ITIH6: variants seen among roughly 807,000 people sequenced by gnomAD.
The protein encoded by ITIH6 is inter-alpha-trypsin inhibitor heavy chain family member 6.
Under a neutral mutation model 58.2 loss-of-function variants are expected in ITIH6, and 60 were observed. That is an observed-to-expected ratio of 1.03 (90% CI 0.84 to 1.28). The LOEUF is 1.28. Among genes scored for constraint, ITIH6 ranks in the 50% most tolerant of loss-of-function variants. ITIH6 has a pLI of 0.00. For missense variants in ITIH6, 1,290 were observed against 1,021.1 expected (o/e 1.26, Z -3.59); for synonymous variants, 493 against 417.4 (o/e 1.18, Z -2.21).
chrX:54,793,000 C>T (rs1250307844), intron 2 of ITIH6, among the ~76,000 whole-genome samples: 1 of 110,392 alleles, frequency 9.1e-6, no homozygotes, highest in Non-Finnish European at 1.9e-5. Flanking sequence ...GTCCTCTATT[C>T]TTTCTACATT....
chrX:54,754,339 A>C (rs933868031), intron 9 of ITIH6, among the ~76,000 whole-genome samples: 1 of 111,672 alleles, frequency 9.0e-6, no homozygotes, highest in African/African-American at 3.3e-5. Context: ...TGGTGTACAC[A>C]CTCTGTAAAA....
At position 54,788,582 on chromosome X, in the gene ITIH6, G is replaced by A; in HGVS notation, c.684C>T (p.Cys228=). The part of the protein sequence containing the change: ...RGETCVRITY[C]PTLQDQSSIS... ...TGGACGACTGGTCTTGCAATGTCGG[G>A]CAGTAGGTGATTCGGACACAGGTCT... Residue 228 remains cysteine (C), a synonymous_variant, in exon 5 of 13, where the codon TGC becomes TGT. Transcript: ENST00000218436. 1 of 1,209,433 alleles carries A rather than the reference G, an allele frequency of 8.3e-7. No homozygotes were observed. Among genetic ancestry groups the A allele is most frequent in the Non-Finnish European group, 1.1e-6 (1 of 893,752 alleles).
chrX:54,798,029 G>C, intron 1 of ITIH6, 80 bp downstream of exon 1: 1 of 664,530 alleles, frequency 1.5e-6, no homozygotes, highest in African/African-American at 2.2e-5. Context: ...GAAACACACT[G>C]AATAACCTTC....
At chrX:54,792,399 G>A (rs902381503) in intron 2 of ITIH6, among the ~76,000 whole-genome samples, 1 of 111,605 alleles carries the variant, frequency 9.0e-6, no homozygotes, top group African/African-American at 3.3e-5. Flanking sequence ...TATTATAATT[G>A]TTATGTATTT....
At chrX:54,788,218 G>C (rs1350772963) in intron 5 of ITIH6, among the ~76,000 whole-genome samples, 1 of 111,921 alleles carries the variant, frequency 8.9e-6, no homozygotes, top group South Asian at 3.8e-4. Context: ...GACTGTTTTC[G>C]AGTAGGCTAT....
chrX:54,794,660 G>A (rs755301376), intron 2 of ITIH6, among the ~76,000 whole-genome samples: 1 of 111,391 alleles, frequency 9.0e-6, no homozygotes, highest in South Asian at 3.8e-4. Context: ...GGTTCTTGAT[G>A]GCACAGCCTA....
At chrX:54,776,557 G>C (rs1209146331) in intron 5 of ITIH6, among the ~76,000 whole-genome samples, 2 of 110,054 alleles carry the variant, frequency 1.8e-5, no homozygotes, top group Non-Finnish European at 3.8e-5. Context: ...TTGAAGACTG[G>C]AGAGGGAAGA....
chrX:54,755,204 G>A, intron 8 of ITIH6, 95 bp from the exon 9 acceptor site: 1 of 704,002 alleles, frequency 1.4e-6, no homozygotes, highest in Non-Finnish European at 2.2e-6. Flanking sequence ...GGCTCTGCAG[G>A]TTGACCTGCC....
At position 54,758,909 on chromosome X, in the gene ITIH6, T is replaced by A. The variant is rs144749114; in HGVS notation, c.1165A>T (p.Ile389Phe). Residue 389 changes from isoleucine to phenylalanine, a missense_variant, in exon 8 of 13, where the codon ATC becomes TTC. By Grantham distance (21) the Ile-to-Phe change is conservative (BLOSUM62 0). Coordinates refer to ENST00000218436, the MANE Select transcript of ITIH6 (RefSeq NM_198510.3). ...TCCGTCAGGAAGATGATAAGAGGGA[T>A]CCTCCCCACACTGGGGCCCCTCCCA... ...EPGRGPSVGR[I>F]PLIIFLTDGE... 6.6e-6 allele frequency: 8 copies of A among 1,208,846 alleles called. No individual in the cohort carries two copies. Among genetic ancestry groups the A allele is most frequent in the Non-Finnish European group, 6.7e-6 (6 of 894,145 alleles).
At position 54,757,991 on chromosome X, in the gene ITIH6, G is replaced by A; in HGVS notation, c.2083C>T (p.His695Tyr). ...KELEPLGESP[H>Y]TLSMPTYPKA... ...GGGTATGTGGGCATTGACAGGGTATGAGGGCTCTCTCCCAATGGCTCCAGC... is the reference window on the plus strand; with the variant it reads ...GGGTATGTGGGCATTGACAGGGTATAAGGGCTCTCTCCCAATGGCTCCAGC... Residue 695 changes from histidine (H) to tyrosine (Y), a missense_variant, in exon 8 of 13, where the codon CAT (histidine) becomes TAT (tyrosine). Coordinates refer to ENST00000218436, the MANE Select transcript of ITIH6 (RefSeq NM_198510.3). 1 of 1,212,015 alleles carries A rather than the reference G, an allele frequency of 8.3e-7. No individual in the cohort carries two copies. The highest frequency in any genetic ancestry group is 1.1e-6 in the Non-Finnish European group (1 of 895,526).
intron 6 of ITIH6, among the ~76,000 whole-genome samples, chrX:54,761,541 G>A (rs1928645219): frequency 9.0e-6 from 1 of 111,318 alleles, no homozygotes; most frequent in Non-Finnish European, 1.9e-5. Flanking sequence ...GTATTGCCTA[G>A]GTTTTCTTCT....
rs1929475846 is a variant in ITIH6 at position 54,798,097 on chromosome X, C to T, written c.102+12G>A. 1 of 1,134,826 alleles carries T rather than the reference C, an allele frequency of 8.8e-7. No homozygotes were observed. The highest frequency in any genetic ancestry group is 1.2e-6 in the Non-Finnish European group (1 of 840,165). 93.5% of individuals were successfully genotyped at this position (1,134,826 alleles called of 1,213,427 possible). ...AAATCCCCAAGCTTTTTTCCCTCAT[C>T]CCAGAACTGACCTTTGTGCTTGATG... is the stretch of plus-strand genomic sequence containing the variant. On this transcript the variant is annotated intron_variant, in intron 1 of 12. Transcript: ENST00000218436.
intron 5 of ITIH6, among the ~76,000 whole-genome samples, chrX:54,774,403 CG>C (rs1473177725): frequency 1.8e-5 from 2 of 112,851 alleles, no homozygotes; most frequent in Non-Finnish European, 3.8e-5. Context: ...ACCTTCATCC[CG>C]GGGCCTGCCC....
At chrX:54,770,610 G>T (rs1398393578) in intron 6 of ITIH6, among the ~76,000 whole-genome samples, 3 of 112,323 alleles carry the variant, frequency 2.7e-5, no homozygotes, top group Non-Finnish European at 5.6e-5. Context: ...TATGCATAGT[G>T]CAAGTACCTT....
In ITIH6 at chrX:54,749,236, G is replaced by A. The variant is rs1183242094; in HGVS notation, c.*659C>T. 2 of 111,857 alleles carry A rather than the reference G, an allele frequency of 1.8e-5. No individual in the cohort carries two copies. Among genetic ancestry groups the A allele is most frequent in the Non-Finnish European group, 3.8e-5 (2 of 53,246 alleles). The allele number at this position is 111,857 out of a possible 1,213,427, so 9.2% of individuals were successfully genotyped here. ...TGAGAGGCACTGGGGATACATAGAT[G>A]ATTCAGAAAAGGTCCTTGCCCTCAA... On this transcript the variant is annotated 3_prime_UTR_variant, in exon 13 of 13. Transcript: ENST00000218436.
chrX:54,754,112 C>A (rs1928435652), intron 9 of ITIH6, 147 bp from the exon 10 acceptor site: 1 of 537,022 alleles, frequency 1.9e-6, no homozygotes, highest in Non-Finnish European at 3.1e-6. Context: ...GCTCTCCAGT[C>A]TTTGTGCTCT....
In ITIH6 at chrX:54,790,875, G is replaced by T. The variant is rs1302808559; in HGVS notation, c.578C>A (p.Pro193His). 9 of 1,212,128 alleles carry T rather than the reference G, an allele frequency of 7.4e-6. No individual in the cohort carries two copies. Among genetic ancestry groups the T allele is most frequent in the Admixed American group, 2.2e-5 (1 of 46,119 alleles). ...GGTGCGCAGACGGCCGGTCCTCAGGGGTGGTATGTGCACATAGGAGATGCC... is the reference window on the plus strand; with the variant it reads ...GGTGCGCAGACGGCCGGTCCTCAGGTGTGGTATGTGCACATAGGAGATGCC... ...RTGISYVHIP[P>H]LRTGRLRTNA... Residue 193 changes from proline to histidine, a missense_variant, in exon 4 of 13, where the codon CCC becomes CAC. Coordinates refer to ENST00000218436, the MANE Select transcript of ITIH6 (RefSeq NM_198510.3).
chrX:54,777,962 A>G (rs1196809045), intron 5 of ITIH6, among the ~76,000 whole-genome samples: 6 of 112,030 alleles, frequency 5.4e-5, no homozygotes, highest in Non-Finnish European at 1.1e-4. Flanking sequence ...AATAAACTAA[A>G]TAAGTCACCA....
At chrX:54,788,694 G>C (rs1472625502) in intron 4 of ITIH6, 45 bp from the exon 5 acceptor site, 20 of 1,068,257 alleles carry the variant, frequency 1.9e-5, no homozygotes, top group Admixed American at 6.8e-5. Context: ...CAGAGGACTC[G>C]CAAGACAGAA....
Sources: gnomAD v4.1 joint callset for allele counts (sites outside exome capture counted in the v4.1 genomes callset) on GRCh38, gnomAD v4.1.1 for gene constraint, MANE v1.5 for transcripts, NCBI Gene and HGNC (gene_info 2026-07-23, HGNC 2026-07-21) for gene names.